Variants in RBFOX3 observed in about 807,000 individuals in gnomAD.
RBFOX3 encodes RNA binding protein fox-1 homolog 3.
Under a neutral mutation model 48.7 loss-of-function variants are expected in RBFOX3, and 17 were observed. That is an observed-to-expected ratio of 0.35 (90% CI 0.24 to 0.52). The LOEUF is 0.52. RBFOX3 is among the 20% of genes least tolerant of loss of function. RBFOX3 has a pLI of 0.94. For synonymous variants in RBFOX3, 212 were observed against 209.5 expected, an observed-to-expected ratio of 1.01 and a Z score of -0.10; for missense variants, 382 against 497.5, an observed-to-expected ratio of 0.77 and a Z score of 2.21.
chr17:79,153,207 G>T lies in RBFOX3; in HGVS notation c.-33-37459C>A, dbSNP rs550437138. Among the ~76,000 whole-genome samples the T allele has an allele frequency of 1.4e-4, 22 of 152,332 alleles. No homozygotes were observed. In the South Asian group the frequency reaches 4.3e-3, roughly 30 times the overall value. On this transcript the variant is annotated intron_variant, in intron 4 of 14. Transcript: ENST00000693108. ...AGAACTGCTGACCCCCAGATCCTTGGCTGGGGGTGGGTGGCGGACACAGCA... is the reference window on the plus strand; with the variant it reads ...AGAACTGCTGACCCCCAGATCCTTGTCTGGGGGTGGGTGGCGGACACAGCA...
intron 4 of RBFOX3, among the ~76,000 whole-genome samples, chr17:79,137,203 C>T (rs901388633): frequency 6.6e-6 from 1 of 151,652 alleles, no homozygotes; most frequent in African/African-American, 2.4e-5. Context: ...ACACGCAGGC[C>T]TCGTGGACAT....
intron 2 of RBFOX3, among the ~76,000 whole-genome samples, chr17:79,468,962 G>A (rs2149355857): frequency 1.4e-5 from 2 of 147,428 alleles, no homozygotes; most frequent in South Asian, 4.4e-4. Context: ...ATGGATGGAT[G>A]GATGGATGGA....
chr17:79,461,486 G>A (rs1168790003), intron 2 of RBFOX3, among the ~76,000 whole-genome samples: 1 of 152,162 alleles, frequency 6.6e-6, no homozygotes, highest in African/African-American at 2.4e-5. Flanking sequence ...TTTGTAGGTG[G>A]AACTATACCA....
chr17:79,174,554 C>A (rs1273452662), intron 4 of RBFOX3, among the ~76,000 whole-genome samples: 1 of 151,974 alleles, frequency 6.6e-6, no homozygotes, highest in East Asian at 1.9e-4. Context: ...CACTGATACA[C>A]AATGCACACT....
chr17:79,410,264 C>T (rs942413904), intron 2 of RBFOX3, among the ~76,000 whole-genome samples: 20 of 152,234 alleles, frequency 1.3e-4, no homozygotes, highest in Admixed American at 3.9e-4. Context: ...CTCCCCTGCA[C>T]AGTCTTAGCT....
chr17:79,374,410 A>G (rs1330414126), intron 2 of RBFOX3, among the ~76,000 whole-genome samples: 1 of 152,192 alleles, frequency 6.6e-6, no homozygotes, highest in Non-Finnish European at 1.5e-5. Flanking sequence ...CTTCTTTGGA[A>G]AGGACCGGCT....
the RBFOX3 span, among the ~76,000 whole-genome samples, chr17:79,648,180 C>T: frequency 6.9e-3 from 1,055 of 152,240 alleles, 8 homozygotes; most frequent in African/African-American, 0.024. Context: ...CAGTGTGAGA[C>T]GAACTGGATG....
chr17:79,200,992 T>A (rs1170923979), intron 4 of RBFOX3, among the ~76,000 whole-genome samples: 1 of 151,900 alleles, frequency 6.6e-6, no homozygotes, highest in African/African-American at 2.4e-5. Flanking sequence ...TGCCCTCAGC[T>A]CCTTCCTCAG....
At chr17:79,358,204 C>T (rs777129830) in intron 2 of RBFOX3, among the ~76,000 whole-genome samples, 25 of 152,172 alleles carry the variant, frequency 1.6e-4, no homozygotes, top group Non-Finnish European at 3.1e-4. Context: ...CCTTGGCCTC[C>T]CAAAGTGCTG....
chr17:79,154,669 C>A (rs995064150), intron 4 of RBFOX3, among the ~76,000 whole-genome samples: 11 of 152,328 alleles, frequency 7.2e-5, no homozygotes, highest in African/African-American at 2.2e-4. Flanking sequence ...CCCCACGTGG[C>A]CGGGAGACTG....
intron 3 of RBFOX3, among the ~76,000 whole-genome samples, chr17:79,292,941 GT>G (rs1423598667): frequency 2.6e-5 from 4 of 152,116 alleles, no homozygotes; most frequent in African/African-American, 9.7e-5. Flanking sequence ...TTTTGCTTTG[GT>G]TTTATGGGGT....
At chr17:79,277,794 G>C (rs1389561642) in intron 3 of RBFOX3, among the ~76,000 whole-genome samples, 1 of 152,242 alleles carries the variant, frequency 6.6e-6, no homozygotes, top group African/African-American at 2.4e-5. Context: ...GGGCAAGCCA[G>C]AAGGCTCGGA....
chr17:79,110,658 C>T (rs573338151), intron 5 of RBFOX3, among the ~76,000 whole-genome samples: 9 of 152,374 alleles, frequency 5.9e-5, no homozygotes, highest in African/African-American at 2.2e-4. Flanking sequence ...GGGTTCTCTG[C>T]GTGTGGTCTC....
Position 79,198,546 on chromosome 17 carries a change from G to A in RBFOX3, c.-34+37220C>T, listed in dbSNP as rs549323585. Among the ~76,000 whole-genome samples the A allele has an allele frequency of 6.6e-6, 1 of 152,338 alleles. No homozygotes were observed. The highest frequency in any genetic ancestry group is 2.1e-4 in the South Asian group (1 of 4,826). ...CTTGGAGAAGTTCACAGACTTTCCAGGATGTATTGCCCATGCCACTCGTCA... is the reference window on the plus strand; with the variant it reads ...CTTGGAGAAGTTCACAGACTTTCCAAGATGTATTGCCCATGCCACTCGTCA... On this transcript the variant is annotated intron_variant, in intron 4 of 14. Coordinates refer to ENST00000693108, the MANE Select transcript of RBFOX3 (RefSeq NM_001350451.2). This position sits in a 1 kb window ranked among gnomAD's most constrained non-coding sequence, Gnocchi z 8.2.
At chr17:79,605,309 T>A (rs1195876877) in intron 1 of RBFOX3, among the ~76,000 whole-genome samples, 2 of 152,208 alleles carry the variant, frequency 1.3e-5, no homozygotes, top group Non-Finnish European at 2.9e-5. Flanking sequence ...AAACAAGGAC[T>A]TGAAACTGTT....
the RBFOX3 span, among the ~76,000 whole-genome samples, chr17:79,631,192 A>T: frequency 6.6e-6 from 1 of 152,162 alleles, no homozygotes; most frequent in Non-Finnish European, 1.5e-5. Context: ...AGGCGGCTCC[A>T]GTGTGAGAAC....
chr17:79,358,869 T>C (rs1187461383), intron 2 of RBFOX3, among the ~76,000 whole-genome samples: 1 of 152,232 alleles, frequency 6.6e-6, no homozygotes, highest in African/African-American at 2.4e-5. Context: ...GTATCAGCTC[T>C]ACCTTCCTGC....
chr17:79,188,712 G>A (rs1159318835), intron 4 of RBFOX3, among the ~76,000 whole-genome samples: 1 of 152,142 alleles, frequency 6.6e-6, no homozygotes, highest in Non-Finnish European at 1.5e-5. Flanking sequence ...TATTTTAAAT[G>A]AGCCCCCAGG....
chr17:79,279,478 C>A (rs1444454105), intron 3 of RBFOX3, among the ~76,000 whole-genome samples: 1 of 152,142 alleles, frequency 6.6e-6, no homozygotes, highest in Admixed American at 6.5e-5. Context: ...TGGCCCGGCC[C>A]GGCACGGTAC....
Sources: gnomAD v4.1 joint callset for allele counts (sites outside exome capture counted in the v4.1 genomes callset) on GRCh38, gnomAD v4.1.1 for gene constraint, Gnocchi (gnomAD v3.1) non-coding constraint, MANE v1.5 for transcripts, NCBI Gene and HGNC (gene_info 2026-07-23, HGNC 2026-07-21) for gene names.